NKAIN2: variants seen among roughly 807,000 people sequenced by gnomAD.
The protein encoded by NKAIN2 is sodium/potassium-transporting ATPase subunit beta-1-interacting protein 2.
In NKAIN2, 14 loss-of-function variants were observed where a neutral mutation model predicts 32.6. That is an observed-to-expected ratio of 0.43 (90% confidence interval 0.28 to 0.67). The LOEUF is 0.67. NKAIN2 is among the 30% of genes least tolerant of loss of function. NKAIN2 has a pLI of 0.17. For synonymous variants in NKAIN2, 80 were observed against 87.2 expected (o/e 0.92, Z 0.46); for missense variants, 198 against 258.3 (o/e 0.77, Z 1.60).
chr6:124,601,091 G>C (rs938845228), intron 3 of NKAIN2, among the ~76,000 whole-genome samples: 1 of 152,066 alleles, frequency 6.6e-6, no homozygotes, highest in African/African-American at 2.4e-5. Flanking sequence ...ATTTACACTA[G>C]AGGAAAGAGA....
chr6:124,268,792 G>A (rs1213155185), intron 1 of NKAIN2, among the ~76,000 whole-genome samples: 1 of 151,836 alleles, frequency 6.6e-6, no homozygotes, highest in Non-Finnish European at 1.5e-5. Context: ...CACTGCTGAA[G>A]TGATATCATA....
In NKAIN2 at chr6:124,765,684, T is replaced by C. The variant is rs72977783; in HGVS notation, c.475-25655T>C. On this transcript the variant is annotated intron_variant, in intron 4 of 6. Transcript: ENST00000368417. ...AATGCCTCATCTTCCCCAGCCCCCT[T>C]GGTAGATACTGAATTTCTCTGCAGA... Among the ~76,000 whole-genome samples the C allele has an allele frequency of 8.2e-3, 1,246 of 152,332 alleles. 13 individuals carry two copies. The highest frequency in any genetic ancestry group is 0.013 in the Non-Finnish European group (876 of 68,030).
At chr6:123,849,747 C>A (rs1327606101) in intron 1 of NKAIN2, among the ~76,000 whole-genome samples, 1 of 152,042 alleles carries the variant, frequency 6.6e-6, no homozygotes, top group Admixed American at 6.6e-5. Flanking sequence ...ATTCTTTTAA[C>A]TTCTGTGTTA....
At chr6:124,186,478 T>A (rs1250765109) in intron 1 of NKAIN2, among the ~76,000 whole-genome samples, 1 of 151,936 alleles carries the variant, frequency 6.6e-6, no homozygotes, top group Non-Finnish European at 1.5e-5. Flanking sequence ...ACAGTGAACC[T>A]TGAGAGAATA....
intron 1 of NKAIN2, among the ~76,000 whole-genome samples, chr6:124,251,203 TAAAAG>T (rs1202544463): frequency 2.0e-5 from 3 of 152,010 alleles, no homozygotes; most frequent in Admixed American, 1.3e-4. Context: ...ACTCTCCAGT[TAAAAG>T]AAAAAGATTT....
At chr6:124,096,767 G>A (rs372065451) in intron 1 of NKAIN2, among the ~76,000 whole-genome samples, 1 of 150,316 alleles carries the variant, frequency 6.7e-6, no homozygotes, top group Non-Finnish European at 1.5e-5. Flanking sequence ...CTGAGGCAGG[G>A]GAATGGCGTG....
intron 3 of NKAIN2, among the ~76,000 whole-genome samples, chr6:124,390,275 A>G (rs62436268): frequency 0.024 from 3,669 of 152,190 alleles, 98 homozygotes; most frequent in Non-Finnish European, 0.034. Context: ...GTACAGCAGC[A>G]CTCAGGGAGC....
chr6:124,441,920 A>G (rs1057339459), intron 3 of NKAIN2, among the ~76,000 whole-genome samples: 7 of 152,110 alleles, frequency 4.6e-5, no homozygotes, highest in African/African-American at 1.7e-4. Context: ...CAGGTTGAAT[A>G]GTTGATGAGG....
intron 3 of NKAIN2, among the ~76,000 whole-genome samples, chr6:124,454,080 T>G (rs1776224102): frequency 8.0e-6 from 1 of 125,014 alleles, no homozygotes; most frequent in African/African-American, 2.8e-5. Context: ...AAATACTTAG[T>G]TCTTTAATAT....
intron 4 of NKAIN2, among the ~76,000 whole-genome samples, chr6:124,779,236 T>G (rs1779126053): frequency 9.3e-6 from 1 of 107,784 alleles, no homozygotes; most frequent in African/African-American, 3.9e-5. Context: ...AGAGCCAGAC[T>G]CCAACAAAGA....
rs560087924 is a variant in NKAIN2, at chr6:124,183,398, A to G, written c.55-99607A>G. ...ATAATTTATGATGAACAAGCTTCAA[A>G]ATCATGATCAGTCTGTGAGTAAATT... On this transcript the variant is annotated intron_variant, in intron 1 of 6. Transcript: ENST00000368417. 1.3e-4 allele frequency among the ~76,000 whole-genome samples: 20 copies of G among 152,236 alleles called. No homozygotes were observed. The South Asian group carries it at 1.9e-3, about 14-fold the overall frequency.
At chr6:123,804,767 C>G (rs1773145558) in intron 1 of NKAIN2, among the ~76,000 whole-genome samples, 1 of 152,058 alleles carries the variant, frequency 6.6e-6, no homozygotes, top group African/African-American at 2.4e-5. Context: ...GGTATCCTTA[C>G]AACAGTCTAA....
intron 1 of NKAIN2, among the ~76,000 whole-genome samples, chr6:124,219,945 A>G (rs1051435076): frequency 7.9e-5 from 12 of 152,162 alleles, no homozygotes; most frequent in African/African-American, 2.7e-4. Context: ...ACTATATGCT[A>G]TTCTTTGTTT....
intron 1 of NKAIN2, among the ~76,000 whole-genome samples, chr6:124,204,396 A>G (rs1790752494): frequency 6.6e-6 from 1 of 151,788 alleles, no homozygotes; most frequent in Non-Finnish European, 1.5e-5. Flanking sequence ...TTTAAATCAG[A>G]TAGACACTTT....
chr6:124,431,510 C>G (rs1351627808), intron 3 of NKAIN2, among the ~76,000 whole-genome samples: 1 of 152,088 alleles, frequency 6.6e-6, no homozygotes, highest in Non-Finnish European at 1.5e-5. Flanking sequence ...TGAGAATTTC[C>G]TTTCCCATGA....
chr6:124,418,621 C>T (rs926291629), intron 3 of NKAIN2, among the ~76,000 whole-genome samples: 1 of 149,076 alleles, frequency 6.7e-6, no homozygotes, highest in African/African-American at 2.4e-5. Flanking sequence ...TTGAGCAAAT[C>T]GTATACAACA....
At chr6:124,177,485 T>TA (rs1327776320) in intron 1 of NKAIN2, among the ~76,000 whole-genome samples, 2 of 152,170 alleles carry the variant, frequency 1.3e-5, no homozygotes. Flanking sequence ...AAAACATAGT[T>TA]ATGGCATCAG....
rs146938033 is a variant in NKAIN2 at position 124,698,335 on chromosome 6, C to T, written c.474+39949C>T. On this transcript the variant is annotated intron_variant, in intron 4 of 6. Transcript: ENST00000368417. ...TTTAATTTTTTATGTTAGAAATCTCCACTAAAAGTGTTAGCATAAAAAAAT... is the reference window on the plus strand; with the variant it reads ...TTTAATTTTTTATGTTAGAAATCTCTACTAAAAGTGTTAGCATAAAAAAAT... 5.9e-3 allele frequency among the ~76,000 whole-genome samples: 892 copies of T among 152,104 alleles called. 10 individuals carry two copies. Among genetic ancestry groups the T allele is most frequent in the Middle Eastern group, 0.014 (4 of 294 alleles).
intron 1 of NKAIN2, among the ~76,000 whole-genome samples, chr6:124,201,027 T>C (rs1008591801): frequency 1.3e-5 from 2 of 152,090 alleles, no homozygotes; most frequent in African/African-American, 2.4e-5. Context: ...GTTTAGTTTG[T>C]GCTTTGAAAA....
Sources: gnomAD v4.1 joint callset for allele counts (sites outside exome capture counted in the v4.1 genomes callset) on GRCh38, gnomAD v4.1.1 for gene constraint, MANE v1.5 for transcripts, NCBI Gene and HGNC (gene_info 2026-07-23, HGNC 2026-07-21) for gene names.